CACNB4: variants seen among roughly 807,000 people sequenced by gnomAD.
The protein encoded by CACNB4 is calcium voltage-gated channel auxiliary subunit beta 4, also known as voltage-dependent L-type calcium channel subunit beta-4.
A neutral mutation model predicts 71.2 loss-of-function variants in CACNB4; 32 were observed. That is an observed-to-expected ratio of 0.45 (90% CI 0.34 to 0.60). The LOEUF is 0.60. CACNB4 is among the 20% of genes least tolerant of loss of function. CACNB4 has a pLI of 0.01. For missense variants in CACNB4, 464 were observed against 647.9 expected (o/e 0.72, Z 3.08); for synonymous variants, 231 against 236.9 (o/e 0.97, Z 0.23).
intron 2 of CACNB4, among the ~76,000 whole-genome samples, chr2:152,080,032 C>T (rs1425394153): frequency 6.6e-6 from 1 of 152,096 alleles, no homozygotes; most frequent in Non-Finnish European, 1.5e-5. Context: ...AATTGTACTC[C>T]AGCATGATGA....
rs1211894174 is a variant in CACNB4, at chr2:151,834,391, T to C, written c.*4728A>G. 1 of 152,014 alleles carries C rather than the reference T, an allele frequency of 6.6e-6. No homozygotes were observed. The highest frequency in any genetic ancestry group is 6.5e-5 in the Admixed American group (1 of 15,270). 9.4% of individuals were successfully genotyped at this position (152,014 alleles called of 1,614,324 possible). On this transcript the variant is annotated 3_prime_UTR_variant, in exon 14 of 14. Coordinates refer to ENST00000539935, the MANE Select transcript of CACNB4 (RefSeq NM_000726.5). ...GCTACTCACTCTTAATTATACTTTG[T>C]TTATGGCAAGTAGAAGTTACAGCCC...
intron 2 of CACNB4, among the ~76,000 whole-genome samples, chr2:152,003,809 G>A (rs1682563194): frequency 6.6e-6 from 1 of 151,516 alleles, no homozygotes; most frequent in Non-Finnish European, 1.5e-5. Context: ...TGGAGGAAAA[G>A]GAATATTTTA....
intron 2 of CACNB4, among the ~76,000 whole-genome samples, chr2:152,069,740 C>T (rs1012192562): frequency 5.3e-5 from 8 of 151,878 alleles, no homozygotes; most frequent in African/African-American, 1.7e-4. Flanking sequence ...CAGGGCCAGG[C>T]ACTCCAGGTC....
At chr2:151,941,463 G>C (rs2099864228) in intron 2 of CACNB4, among the ~76,000 whole-genome samples, 1 of 151,628 alleles carries the variant, frequency 6.6e-6, no homozygotes, top group Non-Finnish European at 1.5e-5. Context: ...TGTATTTTTA[G>C]TAGAGACAGG....
At chr2:151,986,284 T>C (rs1681365115) in intron 2 of CACNB4, among the ~76,000 whole-genome samples, 1 of 152,358 alleles carries the variant, frequency 6.6e-6, no homozygotes, top group South Asian at 2.1e-4. Context: ...CTTTTACTTA[T>C]ATACCCAACA....
chr2:152,071,017 C>T (rs984481226), intron 2 of CACNB4, among the ~76,000 whole-genome samples: 14 of 152,222 alleles, frequency 9.2e-5, no homozygotes, highest in African/African-American at 3.1e-4. Context: ...CTGCCTGCCT[C>T]GGCTTCCCAG....
chr2:151,959,230 A>C (rs2099869048), intron 2 of CACNB4, among the ~76,000 whole-genome samples: 1 of 152,248 alleles, frequency 6.6e-6, no homozygotes, highest in African/African-American at 2.4e-5. Flanking sequence ...GCCGGAAGTC[A>C]ATCTGGAACT....
intron 2 of CACNB4, among the ~76,000 whole-genome samples, chr2:152,051,390 C>A (rs1164720049): frequency 6.6e-6 from 1 of 151,956 alleles, no homozygotes; most frequent in Admixed American, 6.6e-5. Flanking sequence ...TTTTAATTAC[C>A]CCAAAGAGAA....
At chr2:151,913,893 G>C (rs1162264948) in intron 2 of CACNB4, among the ~76,000 whole-genome samples, 3 of 151,980 alleles carry the variant, frequency 2.0e-5, no homozygotes, top group Non-Finnish European at 2.9e-5. Flanking sequence ...CTTACTCTCT[G>C]GCTGCCCTTA....
At chr2:151,911,237 C>T (rs1477984926) in intron 2 of CACNB4, among the ~76,000 whole-genome samples, 2 of 152,128 alleles carry the variant, frequency 1.3e-5, no homozygotes, top group African/African-American at 4.8e-5. Flanking sequence ...TTAAATCATG[C>T]CATCTGTGAA....
At position 152,093,683 on chromosome 2, in the gene CACNB4, A is replaced by G. The variant is rs868016490; in HGVS notation, c.147+4647T>C. Among the ~76,000 whole-genome samples, 49 of 152,056 alleles carry G rather than the reference A, an allele frequency of 3.2e-4. 1 individual carries two copies. Among genetic ancestry groups the G allele is most frequent in the African/African-American group, 9.9e-4 (41 of 41,400 alleles). On this transcript the variant is annotated intron_variant, in intron 2 of 13. Transcript: ENST00000539935. Reference sequence around the variant, plus strand: ...TGTTGAGAGGCCCAGGTGGAGAAAAACTGAGCCGCTGCCAAAAGCTCTAGT... The same window carrying G: ...TGTTGAGAGGCCCAGGTGGAGAAAAGCTGAGCCGCTGCCAAAAGCTCTAGT...
intron 5 of CACNB4, among the ~76,000 whole-genome samples, chr2:151,875,528 G>C (rs1355065879): frequency 2.8e-4 from 43 of 151,828 alleles, no homozygotes; most frequent in African/African-American, 9.2e-4. Flanking sequence ...CAGACGGGGT[G>C]GTGGCCGGGC....
intron 2 of CACNB4, among the ~76,000 whole-genome samples, chr2:152,082,593 T>C (rs1687421778): frequency 6.6e-6 from 1 of 152,196 alleles, no homozygotes; most frequent in African/African-American, 2.4e-5. Context: ...CCTATAATAT[T>C]AGAACGTGAT....
chr2:152,079,370 G>C (rs1304799055), intron 2 of CACNB4, among the ~76,000 whole-genome samples: 1 of 152,032 alleles, frequency 6.6e-6, no homozygotes, highest in East Asian at 1.9e-4. Context: ...TTACAGGCGT[G>C]AGCCACCACG....
intron 2 of CACNB4, among the ~76,000 whole-genome samples, chr2:152,063,780 CT>C (rs1373591877): frequency 6.6e-6 from 1 of 152,182 alleles, no homozygotes; most frequent in African/African-American, 2.4e-5. Flanking sequence ...AGATGCCTAC[CT>C]AAAAGAGGCA....
chr2:152,028,536 C>T (rs1424935048), intron 2 of CACNB4, among the ~76,000 whole-genome samples: 2 of 152,174 alleles, frequency 1.3e-5, no homozygotes, highest in South Asian at 2.1e-4. Flanking sequence ...ATCATGTAAT[C>T]ATGTTATCAC....
At chr2:151,958,898 C>A (rs1351230420) in intron 2 of CACNB4, among the ~76,000 whole-genome samples, 1 of 152,188 alleles carries the variant, frequency 6.6e-6, no homozygotes, top group Non-Finnish European at 1.5e-5. Context: ...AACATCAATA[C>A]AGTATGTGAT....
chr2:152,091,654 A>C (rs1687979780), intron 2 of CACNB4, among the ~76,000 whole-genome samples: 1 of 151,752 alleles, frequency 6.6e-6, no homozygotes, highest in African/African-American at 2.4e-5. Flanking sequence ...ATAAACATAA[A>C]CGTAACTGGT....
At chr2:152,029,507 A>AAAAAAAAAAG (rs1553815872) in intron 2 of CACNB4, among the ~76,000 whole-genome samples, 33 of 104,742 alleles carry the variant, frequency 3.2e-4, no homozygotes, top group Non-Finnish European at 4.1e-4. Context: ...AAAAAAAAAA[A>AAAAAAAAAAG]AAAAGAAAAG....
Sources: gnomAD v4.1 joint callset for allele counts (sites outside exome capture counted in the v4.1 genomes callset) on GRCh38, gnomAD v4.1.1 for gene constraint, MANE v1.5 for transcripts, NCBI Gene and HGNC (gene_info 2026-07-23, HGNC 2026-07-21) for gene names.